Variants in DNAJC1 observed in about 807,000 individuals in gnomAD.
DNAJC1 encodes DnaJ heat shock protein family (Hsp40) member C1, also known as dnaJ homolog subfamily C member 1.
A neutral mutation model predicts 76.6 loss-of-function variants in DNAJC1; 58 were observed. That is an observed-to-expected ratio of 0.76 (90% confidence interval 0.61 to 0.94). The LOEUF (loss-of-function observed/expected upper bound fraction) is 0.94. Among genes scored for constraint, DNAJC1 ranks in the 40% least tolerant of loss-of-function variants. The probability of loss-of-function intolerance (pLI) is 0.00; values close to 1 mark genes in which losing one functional copy is unlikely to be tolerated. For synonymous variants in DNAJC1, 258 were observed against 267.9 expected (o/e 0.96, Z 0.36); for missense variants, 689 against 677.3 (o/e 1.02, Z -0.19).
intron 7 of DNAJC1, among the ~76,000 whole-genome samples, chr10:21,893,862 A>C (rs1161584942): frequency 1.3e-5 from 2 of 152,066 alleles, no homozygotes; most frequent in South Asian, 2.1e-4. Flanking sequence ...CAAAAACCAT[A>C]GAGAAAATCA....
intron 9 of DNAJC1, among the ~76,000 whole-genome samples, chr10:21,801,883 G>A (rs188033606): frequency 2.6e-5 from 4 of 152,152 alleles, no homozygotes; most frequent in Admixed American, 6.6e-5. Context: ...GCAAACTAAC[G>A]CAGGAATAAA....
chr10:21,837,826 G>T (rs1204385801), intron 8 of DNAJC1, among the ~76,000 whole-genome samples: 1 of 136,268 alleles, frequency 7.3e-6, no homozygotes, highest in Non-Finnish European at 1.6e-5. Context: ...GGAGGGAGGT[G>T]GGGGGCAGCC....
In DNAJC1 at chr10:21,868,326, T is replaced by C. The variant is rs1002159054; in HGVS notation, c.978+13956A>G. On this transcript the variant is annotated intron_variant, in intron 8 of 11. Coordinates refer to ENST00000376980, the MANE Select transcript of DNAJC1 (RefSeq NM_022365.4). ...TTTAGTAGAGATGGGTTTGTCCATA[T>C]TGGTCAGGCTGGTCTCAAACTCTGG... Among the ~76,000 whole-genome samples, 7 of 151,814 alleles carry C rather than the reference T, an allele frequency of 4.6e-5. No homozygotes were observed. The East Asian group carries it at 1.4e-3, about 30-fold the overall frequency.
chr10:21,762,323 C>T (rs1834251151), intron 10 of DNAJC1, among the ~76,000 whole-genome samples: 1 of 152,142 alleles, frequency 6.6e-6, no homozygotes, highest in Admixed American at 6.6e-5. Context: ...ATGAAACATT[C>T]TAATGAAAAT....
At chr10:21,978,523 A>C (rs960442612) in intron 1 of DNAJC1, among the ~76,000 whole-genome samples, 1 of 152,170 alleles carries the variant, frequency 6.6e-6, no homozygotes. Flanking sequence ...CCTAGTATTT[A>C]CAGACAACAT....
chr10:21,868,080 A>AAAAAAAAC (rs1554892644), intron 8 of DNAJC1, among the ~76,000 whole-genome samples: 18 of 110,830 alleles, frequency 1.6e-4, no homozygotes, highest in Admixed American at 2.4e-4. Context: ...TGTCTCCAAA[A>AAAAAAAAC]AAAAAAAAAC....
intron 6 of DNAJC1, among the ~76,000 whole-genome samples, chr10:21,905,190 T>C (rs77736302): frequency 2.0e-5 from 3 of 151,684 alleles, no homozygotes; most frequent in Non-Finnish European, 4.4e-5. Context: ...ATACATATAC[T>C]TAGGTGTCAA....
intron 9 of DNAJC1, among the ~76,000 whole-genome samples, chr10:21,773,031 G>A (rs958851260): frequency 6.6e-6 from 1 of 152,068 alleles, no homozygotes; most frequent in Non-Finnish European, 1.5e-5. Flanking sequence ...CAGCACCAAA[G>A]GGGGAAATCC....
At chr10:21,782,594 A>G (rs1295730195) in intron 9 of DNAJC1, among the ~76,000 whole-genome samples, 2 of 152,188 alleles carry the variant, frequency 1.3e-5, no homozygotes, top group Admixed American at 1.3e-4. Context: ...CAGAGACACA[A>G]CAAAAAAAGA....
rs184082342 is a variant in DNAJC1, at chr10:21,772,356, C to G, written c.1099-6047G>C. Among the ~76,000 whole-genome samples, 4 of 138,986 alleles carry G rather than the reference C, an allele frequency of 2.9e-5. No individual in the cohort carries two copies. The East Asian group carries it at 8.9e-4, about 31-fold the overall frequency. The allele number at this position is 138,986 out of a possible 152,430, so 91.2% of individuals were successfully genotyped here. A position where few individuals can be genotyped will look rare whatever the true frequency, so the allele number is the denominator to read the frequency against. ...AGTGGTGAAACTATCTGGACTTGGA[C>G]TTTTCATTATGTATAGGTTTTTGAT... On this transcript the variant is annotated intron_variant, in intron 9 of 11. Coordinates refer to ENST00000376980, the MANE Select transcript of DNAJC1 (RefSeq NM_022365.4).
intron 8 of DNAJC1, among the ~76,000 whole-genome samples, chr10:21,872,358 C>T (rs944312100): frequency 1.3e-5 from 2 of 152,122 alleles, no homozygotes; most frequent in Non-Finnish European, 2.9e-5. Context: ...GCGTGAGCCA[C>T]CGTGCCAGGC....
chr10:21,900,146 C>G (rs552837710), intron 7 of DNAJC1, among the ~76,000 whole-genome samples: 146 of 152,102 alleles, frequency 9.6e-4, no homozygotes, highest in African/African-American at 3.3e-3. Flanking sequence ...AGTTCGAGAC[C>G]AGTCTGGACA....
intron 6 of DNAJC1, among the ~76,000 whole-genome samples, chr10:21,918,224 T>C (rs1160893388): frequency 1.3e-5 from 2 of 151,906 alleles, no homozygotes; most frequent in Admixed American, 1.3e-4. Context: ...CTAAATATGA[T>C]ACATATCCAC....
chr10:21,869,986 C>T (rs973406478), intron 8 of DNAJC1, among the ~76,000 whole-genome samples: 2 of 151,866 alleles, frequency 1.3e-5, no homozygotes, highest in Non-Finnish European at 2.9e-5. Context: ...TAACTGACAC[C>T]ACACCTGACA....
chr10:21,886,075 T>C (rs544308715), intron 7 of DNAJC1, among the ~76,000 whole-genome samples: 2 of 151,834 alleles, frequency 1.3e-5, no homozygotes, highest in African/African-American at 2.4e-5. Context: ...TTTAACAAGA[T>C]AGGTAAGCTA....
intron 1 of DNAJC1, among the ~76,000 whole-genome samples, chr10:21,973,012 T>C (rs1301077034): frequency 6.6e-6 from 1 of 152,016 alleles, no homozygotes; most frequent in Non-Finnish European, 1.5e-5. Context: ...TTAACTGAAG[T>C]AAAGAAATAC....
intron 8 of DNAJC1, among the ~76,000 whole-genome samples, chr10:21,857,073 G>C (rs949806224): frequency 1.3e-5 from 2 of 151,954 alleles, no homozygotes; most frequent in African/African-American, 4.8e-5. Flanking sequence ...ATTATAAAGT[G>C]GATCAATTCT....
At chr10:21,816,968 C>T (rs1177183124) in intron 8 of DNAJC1, among the ~76,000 whole-genome samples, 1 of 145,716 alleles carries the variant, frequency 6.9e-6, no homozygotes, top group African/African-American at 2.5e-5. Context: ...TCCTGGCTAA[C>T]ACAGTGAAAC....
intron 1 of DNAJC1, among the ~76,000 whole-genome samples, chr10:21,934,992 C>A (rs1837287703): frequency 6.6e-6 from 1 of 152,112 alleles, no homozygotes; most frequent in South Asian, 2.1e-4. Context: ...ACAACACCAA[C>A]TATAATAAGC....
Sources: allele counts gnomAD v4.1 joint callset (sites outside exome capture counted in the v4.1 genomes callset), GRCh38; gene constraint gnomAD v4.1.1; transcripts MANE v1.5; gene names NCBI Gene and HGNC (gene_info 2026-07-23, HGNC 2026-07-21).